SLC8A1: variants seen among roughly 807,000 people sequenced by gnomAD.
SLC8A1 encodes the protein sodium/calcium exchanger 1.
Under a neutral mutation model 68.3 loss-of-function variants are expected in SLC8A1, and 18 were observed. The observed-to-expected ratio is 0.26, with a 90% CI of 0.18 to 0.39. The LOEUF (loss-of-function observed/expected upper bound fraction) is 0.39, where lower values mean the gene tolerates loss of function less well. Among genes scored for constraint, SLC8A1 ranks in the 10% least tolerant of loss-of-function variants. The pLI is 1.00. For missense variants in SLC8A1, 985 were observed against 1,156.7 expected (o/e 0.85, Z 2.15); for synonymous variants, 475 against 415.5 (o/e 1.14, Z -1.74).
At chr2:40,413,388 G>A (rs1251018778) in intron 2 of SLC8A1, among the ~76,000 whole-genome samples, 1 of 152,144 alleles carries the variant, frequency 6.6e-6, no homozygotes, top group Non-Finnish European at 1.5e-5. Flanking sequence ...TTAAAAAAAT[G>A]TGGCACATAT....
At chr2:40,265,291 A>C (rs996281702) in intron 2 of SLC8A1, among the ~76,000 whole-genome samples, 16 of 152,216 alleles carry the variant, frequency 1.1e-4, no homozygotes, top group South Asian at 2.1e-4. Flanking sequence ...CAAAGATGAG[A>C]AACTATTAAG....
intron 1 of SLC8A1, among the ~76,000 whole-genome samples, chr2:40,440,184 T>C (rs1700212612): frequency 6.6e-6 from 1 of 152,092 alleles, no homozygotes; most frequent in Admixed American, 6.6e-5. Flanking sequence ...TATACCTGTG[T>C]TTGAAAAATT....
At chr2:40,206,660 C>G (rs1367895592) in intron 2 of SLC8A1, among the ~76,000 whole-genome samples, 1 of 151,896 alleles carries the variant, frequency 6.6e-6, no homozygotes, top group Non-Finnish European at 1.5e-5. Context: ...AGAATCAGAA[C>G]CAGCAGAATG....
chr2:40,440,498 G>A (rs764208401), intron 1 of SLC8A1, among the ~76,000 whole-genome samples: 2 of 151,942 alleles, frequency 1.3e-5, no homozygotes, highest in Non-Finnish European at 2.9e-5. Flanking sequence ...AAAATCAAAC[G>A]TCTTTTATGT....
At chr2:40,352,393 T>C (rs1459934303) in intron 2 of SLC8A1, among the ~76,000 whole-genome samples, 1 of 152,206 alleles carries the variant, frequency 6.6e-6, no homozygotes, top group Non-Finnish European at 1.5e-5. Context: ...GGTTACCTTA[T>C]GCTTCCCGTG....
At chr2:40,138,076 G>C (rs2040861048) in intron 7 of SLC8A1, among the ~76,000 whole-genome samples, 1 of 152,142 alleles carries the variant, frequency 6.6e-6, no homozygotes, top group Admixed American at 6.6e-5. Flanking sequence ...TTTACTAGAT[G>C]CATAATTTGC....
chr2:40,133,059 A>AT (rs2039711181), intron 7 of SLC8A1, among the ~76,000 whole-genome samples: 1 of 152,110 alleles, frequency 6.6e-6, no homozygotes, highest in African/African-American at 2.4e-5. Flanking sequence ...CTGTTACTTA[A>AT]TCTTCTTGAA....
chr2:40,310,360 A>C (rs568620085), intron 2 of SLC8A1, among the ~76,000 whole-genome samples: 1 of 152,332 alleles, frequency 6.6e-6, no homozygotes, highest in East Asian at 1.9e-4. Flanking sequence ...CACAAGCAAG[A>C]AACAGGTCAT....
At chr2:40,130,605 G>A (rs572141967) in intron 7 of SLC8A1, among the ~76,000 whole-genome samples, 64 of 152,348 alleles carry the variant, frequency 4.2e-4, no homozygotes, top group African/African-American at 1.5e-3. Context: ...GTAAAGAAAC[G>A]TGTTGCTTAT....
At chr2:40,430,448 T>C (rs1245888997) in intron 1 of SLC8A1, 144 bp from the exon 2 acceptor site, 8 of 751,686 alleles carry the variant, frequency 1.1e-5, no homozygotes, top group African/African-American at 1.8e-5. Context: ...TTTGTTTATA[T>C]TTGACCATCA....
chr2:40,173,115 G>A (rs1484997995), intron 4 of SLC8A1, among the ~76,000 whole-genome samples: 1 of 152,058 alleles, frequency 6.6e-6, no homozygotes, highest in Non-Finnish European at 1.5e-5. Flanking sequence ...TTCTATAATG[G>A]TTGACTTAAA....
At chr2:40,219,939 A>C (rs546513685) in intron 2 of SLC8A1, among the ~76,000 whole-genome samples, 4 of 137,000 alleles carry the variant, frequency 2.9e-5, no homozygotes, top group East Asian at 2.5e-4. Context: ...AAATTTGGTT[A>C]GGGCAAAATT....
intron 2 of SLC8A1, among the ~76,000 whole-genome samples, chr2:40,237,958 C>G (rs1276395149): frequency 3.3e-5 from 5 of 151,514 alleles, no homozygotes; most frequent in Non-Finnish European, 5.9e-5. Flanking sequence ...GGCAGTCTGC[C>G]CGTTCTCAGA....
At chr2:40,301,879 T>C (rs1575194372) in intron 2 of SLC8A1, among the ~76,000 whole-genome samples, 1 of 152,280 alleles carries the variant, frequency 6.6e-6, no homozygotes, top group Non-Finnish European at 1.5e-5. Context: ...CAATTTTTTT[T>C]TGAGATGGAG....
At chr2:40,303,368 A>G (rs576831325) in intron 2 of SLC8A1, among the ~76,000 whole-genome samples, 2 of 152,306 alleles carry the variant, frequency 1.3e-5, no homozygotes, top group South Asian at 4.1e-4. Flanking sequence ...TCAGGGGGCC[A>G]GCACTGGCTG....
chr2:40,340,287 G>A (rs1667278760), intron 2 of SLC8A1, among the ~76,000 whole-genome samples: 1 of 152,154 alleles, frequency 6.6e-6, no homozygotes, highest in Non-Finnish European at 1.5e-5. Flanking sequence ...AAGGCCAGGT[G>A]CGGTGGCTCA....
rs915181322 is a variant in SLC8A1 at position 40,314,772 on chromosome 2, G to C, written c.1808+113701C>G. Among the ~76,000 whole-genome samples the C allele has an allele frequency of 3.9e-5, 6 of 151,984 alleles. No homozygotes were observed. The East Asian group carries it at 1.2e-3, about 29-fold the overall frequency. On this transcript the variant is annotated intron_variant, in intron 2 of 7. Transcript: ENST00000406785. The stretch of plus-strand genomic sequence containing the variant: ...TATATTTTTGATGACATTGTAAATG[G>C]TACTGTTTTTCTAATATCAGTTTGC...
chr2:40,125,330 A>G (rs2037848428), intron 7 of SLC8A1, among the ~76,000 whole-genome samples: 1 of 152,220 alleles, frequency 6.6e-6, no homozygotes, highest in Non-Finnish European at 1.5e-5. Flanking sequence ...TAGCCTTGAC[A>G]TCAGGATCTG....
intron 2 of SLC8A1, 22 bp from the exon 3 acceptor site, chr2:40,178,515 G>A (rs2048880395): frequency 6.3e-7 from 1 of 1,576,404 alleles, no homozygotes; most frequent in Non-Finnish European, 8.7e-7. Flanking sequence ...AATAGAAATT[G>A]ACGAACAAGG....
Sources: gnomAD v4.1 joint callset for allele counts (sites outside exome capture counted in the v4.1 genomes callset) on GRCh38, gnomAD v4.1.1 for gene constraint, MANE v1.5 for transcripts, NCBI Gene and HGNC (gene_info 2026-07-23, HGNC 2026-07-21) for gene names.